Variants in LRTM2 observed in about 807,000 individuals in gnomAD.
LRTM2 encodes the protein leucine-rich repeat and transmembrane domain-containing protein 2.
In LRTM2, 18 loss-of-function variants were observed where a neutral mutation model predicts 28.1. The observed-to-expected ratio is 0.64, with a 90% CI of 0.44 to 0.95. The LOEUF is 0.95. LRTM2 is among the 40% of genes least tolerant of loss of function. LRTM2 has a pLI of 0.00. For synonymous variants in LRTM2, 250 were observed against 218.7 expected (o/e 1.14, Z -1.26); for missense variants, 436 against 497.2 (o/e 0.88, Z 1.17).
Position 1,829,217 on chromosome 12 carries a change from C to T in LRTM2, c.67+1002C>T, listed in dbSNP as rs371790072. On this transcript the variant is annotated intron_variant, in intron 3 of 4. Transcript: ENST00000299194. The surrounding 1 kb of genome is among the most constrained non-coding windows in gnomAD (Gnocchi z 4.2). ...CGCAGCGGCTCTCTTAGCCTGCTGT[C>T]AGGCCCTTCTCTGGGAGGGGCGAGC... is the stretch of plus-strand genomic sequence containing the variant. Among the ~76,000 whole-genome samples, 3 of 152,194 alleles carry T rather than the reference C, an allele frequency of 2.0e-5. No individual in the cohort carries two copies. The East Asian group carries it at 5.8e-4, about 29-fold the overall frequency.
At position 1,830,000 on chromosome 12, in the gene LRTM2, C is replaced by A. The variant is rs1025869712; in HGVS notation, c.68-935C>A. 6.6e-6 allele frequency among the ~76,000 whole-genome samples: 1 copy of A among 152,220 alleles called. No homozygotes were observed. Among genetic ancestry groups the A allele is most frequent in the African/African-American group, 2.4e-5 (1 of 41,470 alleles). On this transcript the variant is annotated intron_variant, in intron 3 of 4. Coordinates refer to ENST00000299194, the MANE Select transcript of LRTM2 (RefSeq NM_001039029.3). This position sits in a 1 kb window ranked among gnomAD's most constrained non-coding sequence, Gnocchi z 4.2. ...TGATGTGATTGTTCCCTGAGGGTTA[C>A]TTCTCCCAGCCCTACAGACAGGACC...
Position 1,830,827 on chromosome 12 carries a change from A to G in LRTM2, c.68-108A>G, listed in dbSNP as rs550818766. 83 of 902,280 alleles carry G rather than the reference A, an allele frequency of 9.2e-5. No individual in the cohort carries two copies. In the African/African-American group the frequency reaches 1.3e-3, roughly 15 times the overall value. 55.9% of individuals were successfully genotyped at this position (902,280 alleles called of 1,614,324 possible). A position where few individuals can be genotyped will look rare whatever the true frequency, so the allele number is the denominator to read the frequency against. ...TATGCATTGATTGTGGCTTGTGCCA[A>G]AGGAGATAAAGCCAAGAGCCTGTTA... On this transcript the variant is annotated intron_variant, in intron 3 of 4. Transcript: ENST00000299194.
chr12:1,829,351 T>C lies in LRTM2; in HGVS notation c.67+1136T>C, dbSNP rs1864513611. On this transcript the variant is annotated intron_variant, in intron 3 of 4. Coordinates refer to ENST00000299194, the MANE Select transcript of LRTM2 (RefSeq NM_001039029.3). The surrounding 1 kb of genome is among the most constrained non-coding windows in gnomAD (Gnocchi z 4.2). ...CTGATTTTCAAATGGCTTGGGGTGG[T>C]GGTATGGGGCTGGCTGATCTGGTAG... 6.6e-6 allele frequency among the ~76,000 whole-genome samples: 1 copy of C among 151,824 alleles called. No individual in the cohort carries two copies.
intron 2 of LRTM2, 73 bp downstream of exon 2, chr12:1,827,667 C>T (rs982892915): frequency 6.5e-6 from 1 of 153,644 alleles, no homozygotes; most frequent in Admixed American, 6.5e-5. Flanking sequence ...ACAGTTGTGG[C>T]CTGTGACCTC....
In LRTM2 at chr12:1,833,205, T is replaced by C. The variant is rs559276898; in HGVS notation, c.659-1062T>C. ...TTTCCATCGGCATCCCAGGGAAAGA[T>C]TGATGCCTATTGTATGAGGAGACTT... On this transcript the variant is annotated intron_variant, in intron 4 of 4. Coordinates refer to ENST00000299194, the MANE Select transcript of LRTM2 (RefSeq NM_001039029.3). This position sits in a 1 kb window ranked among gnomAD's most constrained non-coding sequence, Gnocchi z 4.2. 6.6e-6 allele frequency among the ~76,000 whole-genome samples: 1 copy of C among 152,342 alleles called. No individual in the cohort carries two copies. The highest frequency in any genetic ancestry group is 1.5e-5 in the Non-Finnish European group (1 of 68,026).
intron 2 of LRTM2, 142 bp downstream of exon 2, chr12:1,827,736 C>A: frequency 5.8e-6 from 1 of 173,474 alleles, no homozygotes; most frequent in African/African-American, 2.4e-5. Context: ...AAGGAATGCC[C>A]AGATGGGAGA....
In LRTM2 at chr12:1,828,415, CGCTGAGT is replaced by C. The variant is rs2154446916; in HGVS notation, c.67+209_67+215del. ...CAGCATCCCTGCCAGTCAGAGTCAC[CGCTGAGT>C]GCTGAGTGGTTAGACCTGGAGCTGG... On this transcript the variant is annotated intron_variant, in intron 3 of 4. Transcript: ENST00000299194. The surrounding 1 kb of genome is among the most constrained non-coding windows in gnomAD (Gnocchi z 4.2). 6.6e-6 allele frequency among the ~76,000 whole-genome samples: 1 copy of C among 152,360 alleles called. No homozygotes were observed. The highest frequency in any genetic ancestry group is 2.1e-4 in the South Asian group (1 of 4,830).
At position 1,834,811 on chromosome 12, in the gene LRTM2, A is replaced by G; in HGVS notation, c.*90A>G. 1 of 1,458,648 alleles carries G rather than the reference A, an allele frequency of 6.9e-7. No individual in the cohort carries two copies. Among genetic ancestry groups the G allele is most frequent in the Non-Finnish European group, 9.0e-7 (1 of 1,109,008 alleles). The allele number at this position is 1,458,648 out of a possible 1,614,324, so 90.4% of individuals were successfully genotyped here. ...CTCCCACCTTGACCCGGCGCTGGCCACTGCCTCCCCGAGTCCACCCTCCTC... is the reference window on the plus strand; with the variant it reads ...CTCCCACCTTGACCCGGCGCTGGCCGCTGCCTCCCCGAGTCCACCCTCCTC... On this transcript the variant is annotated 3_prime_UTR_variant, in exon 5 of 5. Transcript: ENST00000299194. The surrounding 1 kb of genome is among the most constrained non-coding windows in gnomAD (Gnocchi z 7.6).
intron 1 of LRTM2, among the ~76,000 whole-genome samples, chr12:1,823,624 AC>A (rs1338268189): frequency 6.6e-6 from 1 of 151,194 alleles, no homozygotes; most frequent in African/African-American, 2.4e-5. Flanking sequence ...TCAGCACACA[AC>A]CCCCAGCCAG....
intron 3 of LRTM2, among the ~76,000 whole-genome samples, chr12:1,830,317 G>A (rs1292742821): frequency 6.6e-6 from 1 of 152,248 alleles, no homozygotes; most frequent in Non-Finnish European, 1.5e-5. Context: ...CATCATGGGT[G>A]TGGGATTGAT....
In LRTM2 at chr12:1,828,074, A is replaced by G; in HGVS notation, c.-73-2A>G. The G allele has an allele frequency of 7.2e-7, 1 of 1,385,990 alleles. No individual in the cohort carries two copies. The highest frequency in any genetic ancestry group is 9.6e-7 in the Non-Finnish European group (1 of 1,046,540). The allele number at this position is 1,385,990 out of a possible 1,614,324, so 85.9% of individuals were successfully genotyped here. ...TGTGCTCAGTGCTCCTCCCTCCCTCAGGACTGACAGGCGGCGCACCCAGGG... is the reference window on the plus strand; with the variant it reads ...TGTGCTCAGTGCTCCTCCCTCCCTCGGGACTGACAGGCGGCGCACCCAGGG... On this transcript the variant is annotated splice_acceptor_variant, in intron 2 of 4. Transcript: ENST00000299194. LOFTEE classifies it low-confidence loss of function (5UTR_SPLICE). This position sits in a 1 kb window ranked among gnomAD's most constrained non-coding sequence, Gnocchi z 4.2.
intron 2 of LRTM2, 88 bp from the exon 3 acceptor site, chr12:1,827,988 T>G: frequency 1.9e-6 from 1 of 520,348 alleles, no homozygotes; most frequent in South Asian, 3.2e-5. Flanking sequence ...ATGAGGAGTG[T>G]AAAGAGACAC....
chr12:1,832,837 G>A (rs142785954), intron 4 of LRTM2, among the ~76,000 whole-genome samples: 1 of 152,206 alleles, frequency 6.6e-6, no homozygotes, highest in Non-Finnish European at 1.5e-5. Flanking sequence ...AAACTCATAA[G>A]TAATTAAATA....
At chr12:1,821,787 T>C (rs929918920) in intron 1 of LRTM2, among the ~76,000 whole-genome samples, 2 of 152,042 alleles carry the variant, frequency 1.3e-5, no homozygotes, top group Non-Finnish European at 2.9e-5. Context: ...TTCCTGCACC[T>C]CCCTGCAGGT....
intron 1 of LRTM2, among the ~76,000 whole-genome samples, chr12:1,826,596 C>T (rs56787110): frequency 0.013 from 1,950 of 152,366 alleles, 41 homozygotes; most frequent in African/African-American, 0.044. Flanking sequence ...TGTGACCCCT[C>T]TGCCAACGCC....
rs945855177 is a variant in LRTM2 at position 1,828,239 on chromosome 12, G to T, written c.67+24G>T. 6.5e-6 allele frequency: 10 copies of T among 1,527,724 alleles called. No individual in the cohort carries two copies. Among genetic ancestry groups the T allele is most frequent in the Non-Finnish European group, 8.8e-6 (10 of 1,134,672 alleles). The allele number at this position is 1,527,724 out of a possible 1,614,324, so 94.6% of individuals were successfully genotyped here. On this transcript the variant is annotated intron_variant, in intron 3 of 4. Coordinates refer to ENST00000299194, the MANE Select transcript of LRTM2 (RefSeq NM_001039029.3). This position sits in a 1 kb window ranked among gnomAD's most constrained non-coding sequence, Gnocchi z 4.2. ...CTGTGAGTACACCCCTGGCCTCGGA[G>T]GGGGGTGCGGGTTGGGTGGGGGTGC...
In LRTM2 at chr12:1,834,489, C is replaced by T; in HGVS notation, c.881C>T (p.Pro294Leu). ...EPEPEPSTACPQKQRHRPASV... is the reference protein window; with the variant it reads ...EPEPEPSTACLQKQRHRPASV... Reference sequence around the variant, plus strand: ...GAGCCGGAGCCCAGCACAGCCTGCCCACAGAAGCAGAGGCACCGGCCGGCG... The same window carrying T: ...GAGCCGGAGCCCAGCACAGCCTGCCTACAGAAGCAGAGGCACCGGCCGGCG... Residue 294 changes from proline to leucine, a missense_variant, in exon 5 of 5, where the codon CCA (proline) becomes CTA (leucine). Transcript: ENST00000299194. This position sits in a 1 kb window ranked among gnomAD's most constrained non-coding sequence, Gnocchi z 7.6. 1.2e-6 allele frequency: 2 copies of T among 1,609,596 alleles called. No homozygotes were observed. Among genetic ancestry groups the T allele is most frequent in the Non-Finnish European group, 1.7e-6 (2 of 1,179,862 alleles).
At position 1,834,815 on chromosome 12, in the gene LRTM2, C is replaced by A; in HGVS notation, c.*94C>A. 2.1e-6 allele frequency: 3 copies of A among 1,451,970 alleles called. No individual in the cohort carries two copies. Among genetic ancestry groups the A allele is most frequent in the Non-Finnish European group, 2.7e-6 (3 of 1,105,910 alleles). 89.9% of individuals were successfully genotyped at this position (1,451,970 alleles called of 1,614,324 possible). The stretch of plus-strand genomic sequence containing the variant: ...CACCTTGACCCGGCGCTGGCCACTG[C>A]CTCCCCGAGTCCACCCTCCTCCCCG... On this transcript the variant is annotated 3_prime_UTR_variant, in exon 5 of 5. Coordinates refer to ENST00000299194, the MANE Select transcript of LRTM2 (RefSeq NM_001039029.3). The surrounding 1 kb of genome is among the most constrained non-coding windows in gnomAD (Gnocchi z 7.6).
intron 1 of LRTM2, among the ~76,000 whole-genome samples, chr12:1,821,170 G>A (rs919352304): frequency 6.6e-6 from 1 of 152,182 alleles, no homozygotes; most frequent in Admixed American, 6.5e-5. Flanking sequence ...CGTTGTGCCC[G>A]GCTCTGCACA....
Sources: allele counts gnomAD v4.1 joint callset (sites outside exome capture counted in the v4.1 genomes callset), GRCh38; gene constraint gnomAD v4.1.1; non-coding constraint Gnocchi (gnomAD v3.1); transcripts MANE v1.5; gene names NCBI Gene and HGNC (gene_info 2026-07-23, HGNC 2026-07-21).